IL9R: variants seen among roughly 807,000 people sequenced by gnomAD.
IL9R encodes interleukin 9 receptor.
A neutral mutation model predicts 56.3 loss-of-function variants in IL9R; 54 were observed. That is an observed-to-expected ratio of 0.96 (90% confidence interval 0.77 to 1.20). The LOEUF (loss-of-function observed/expected upper bound fraction) is 1.20, where lower values mean the gene tolerates loss of function less well. Among genes scored for constraint, IL9R ranks in the 50% most tolerant of loss-of-function variants. The probability of loss-of-function intolerance (pLI) is 0.00; values close to 1 mark genes in which losing one functional copy is unlikely to be tolerated. For missense variants in IL9R, 545 were observed against 629.8 expected (o/e 0.87, Z 1.44); for synonymous variants, 212 against 250.2 (o/e 0.85, Z 1.44).
chrX:156,005,375 T>A lies in IL9R; in HGVS notation c.677T>A (p.Val226Asp). ...TTTATCCATGAGGCCAGGCTGCGTG[T>A]CCAGATGGCCACACTGGAGGATGAT... ...PGFIHEARLR[V>D]QMATLEDDVV... is the part of the protein sequence containing the mutation. Residue 226 changes from valine to aspartate, a missense_variant, in exon 6 of 9, where the codon GTC becomes GAC. Transcript: ENST00000244174. 6.2e-7 allele frequency: 1 copy of A among 1,612,912 alleles called. No individual in the cohort carries two copies. The highest frequency in any genetic ancestry group is 1.3e-5 in the African/African-American group (1 of 74,968).
At chrX:156,001,615 T>TGGG (rs367822310) in intron 1 of IL9R, 6 of 654,864 alleles carry the variant, frequency 9.2e-6, no homozygotes, top group African/African-American at 1.3e-4. Context: ...TGCTGCCCAT[T>TGGG]GGTTTGTGCG....
chrX:156,004,004 T>C, intron 4 of IL9R, 149 bp downstream of exon 4: 1 of 880,798 alleles, frequency 1.1e-6, no homozygotes, highest in Non-Finnish European at 1.7e-6. Context: ...GGGGCAGGCT[T>C]GGCCCTTGGG....
chrX:156,009,375 CTGTGTGTGTTTGTGTG>C (rs2068325288), intron 8 of IL9R, among the ~76,000 whole-genome samples: 1 of 129,578 alleles, frequency 7.7e-6, no homozygotes, highest in Admixed American at 7.6e-5. Context: ...CTGTGTGTAT[CTGTGTGTGTTTGTGTG>C]TGTGTGTGTC....
At chrX:156,008,982 TG>T (rs2068209586) in intron 8 of IL9R, among the ~76,000 whole-genome samples, 1 of 151,770 alleles carries the variant, frequency 6.6e-6, no homozygotes, top group South Asian at 2.1e-4. Flanking sequence ...TGTCTGTGTG[TG>T]TTTAAGTCTG....
Position 156,003,766 on chromosome X carries a change from C to A in IL9R, c.344C>A (p.Ser115Tyr), listed in dbSNP as rs746511345. The A allele has an allele frequency of 6.2e-7, 1 of 1,614,014 alleles. No individual in the cohort carries two copies. Among genetic ancestry groups the A allele is most frequent in the African/African-American group, 1.3e-5 (1 of 75,062 alleles). The change falls in exon 4 of 9, where the codon TCT becomes TAT. Residue 115 changes from serine (S) to tyrosine (Y), a missense_variant. By Grantham distance (144) the Ser-to-Tyr change is moderately radical. Transcript: ENST00000244174. ...CCACCTGAGGCAGTGCTCGTGCCAT[C>A]TGACAATTTCACCATCACTTTCCAC... ...VLPPEAVLVP[S>Y]DNFTITFHHC...
chrX:155,998,440 T>C (rs2067285385), intron 1 of IL9R, among the ~76,000 whole-genome samples: 1 of 152,078 alleles, frequency 6.6e-6, no homozygotes, highest in South Asian at 2.1e-4. Context: ...CTGGAGGATG[T>C]GGGCCCTGCT....
chrX:156,009,401 CTCTGTGTGTGTG>C (rs1569479278), intron 8 of IL9R, among the ~76,000 whole-genome samples: 1 of 123,568 alleles, frequency 8.1e-6, no homozygotes, highest in African/African-American at 3.4e-5. Context: ...GTGTGTGTGT[CTCTGTGTGTGTG>C]TGTGTTTGTG....
At chrX:156,002,759 G>T in intron 1 of IL9R, 147 bp from the exon 2 acceptor site, 1 of 1,136,666 alleles carries the variant, frequency 8.8e-7, no homozygotes. Context: ...GGTCCAGGAC[G>T]CTGGACACTG....
At chrX:156,006,407 C>G (rs2067958711) in intron 7 of IL9R, among the ~76,000 whole-genome samples, 3 of 144,642 alleles carry the variant, frequency 2.1e-5, no homozygotes, top group Non-Finnish European at 4.6e-5. Flanking sequence ...AGAGGGTTCT[C>G]AAGTTGCCAG....
rs189335481 is a variant in IL9R, at chrX:156,000,823, G to A, written c.29-2083G>A. 5.8e-3 allele frequency among the ~76,000 whole-genome samples: 890 copies of A among 152,256 alleles called. 11 individuals are homozygous for A. The highest frequency in any genetic ancestry group is 0.02 in the African/African-American group (838 of 41,552). On this transcript the variant is annotated intron_variant, in intron 1 of 8. Coordinates refer to ENST00000244174, the MANE Select transcript of IL9R (RefSeq NM_002186.3). ...TGGGGCATGTGCTGAGTGGTGCCTCGCAGGCACTGCCCTCGGGAAGTTCAC... is the reference window on the plus strand; with the variant it reads ...TGGGGCATGTGCTGAGTGGTGCCTCACAGGCACTGCCCTCGGGAAGTTCAC...
chrX:156,003,420 C>T (rs369278523), intron 2 of IL9R, 29 bp from the exon 3 acceptor site: 14 of 1,511,096 alleles, frequency 9.3e-6, no homozygotes, highest in South Asian at 3.4e-5. Flanking sequence ...AAGTACTTAC[C>T]GTGGGCTCCT....
At chrX:156,004,325 C>T (rs1244455990) in intron 4 of IL9R, 95 bp from the exon 5 acceptor site, 20 of 1,326,904 alleles carry the variant, frequency 1.5e-5, no homozygotes, top group Admixed American at 7.2e-5. Context: ...TTGACCATTC[C>T]CCTTGGGAGT....
intron 4 of IL9R, 130 bp downstream of exon 4, chrX:156,003,985 C>T (rs1046012754): frequency 4.5e-5 from 45 of 996,062 alleles, no homozygotes; most frequent in Non-Finnish European, 5.2e-5. Context: ...CGAGTGAGAT[C>T]CAGGGCTGGG....
At chrX:156,005,187 T>C (rs779129486) in intron 5 of IL9R, 91 bp from the exon 6 acceptor site, 13 of 969,654 alleles carry the variant, frequency 1.3e-5, no homozygotes, top group Non-Finnish European at 1.8e-5. Context: ...CAAGAGTGTG[T>C]TATATGAGCA....
intron 1 of IL9R, 114 bp downstream of exon 1, chrX:155,997,901 A>G (rs1420609664): frequency 3.4e-5 from 34 of 995,700 alleles, no homozygotes; most frequent in South Asian, 2.6e-4. Context: ...GGCATTTGAG[A>G]GCGCCACCCT....
At chrX:155,999,939 A>G (rs1370523004) in intron 1 of IL9R, among the ~76,000 whole-genome samples, 12 of 152,028 alleles carry the variant, frequency 7.9e-5, no homozygotes, top group African/African-American at 2.9e-4. Context: ...CAGCCTGACA[A>G]ACATGGTGAA....
Position 156,002,891 on chromosome X carries a change from C to T in IL9R, c.29-15C>T. 1 of 1,613,686 alleles carries T rather than the reference C, an allele frequency of 6.2e-7. No homozygotes were observed. The highest frequency in any genetic ancestry group is 8.5e-7 in the Non-Finnish European group (1 of 1,179,862). ...GGGATGATTTGCACAGGGCCCTCAG[C>T]CCAGTCCCTTGCAGGCTGGACCTTG... On this transcript the variant is annotated splice_polypyrimidine_tract_variant and intron_variant, in intron 1 of 8. Transcript: ENST00000244174.
In IL9R at chrX:156,001,487, G is replaced by A. The variant is rs1159807941; in HGVS notation, c.29-1419G>A. On this transcript the variant is annotated intron_variant, in intron 1 of 8. Coordinates refer to ENST00000244174, the MANE Select transcript of IL9R (RefSeq NM_002186.3). ...ATGCTGTGGCTGGTGGTTCCAGGCTGCACGCTCCATTCTAGGAAAGGGTGA... is the reference window on the plus strand; with the variant it reads ...ATGCTGTGGCTGGTGGTTCCAGGCTACACGCTCCATTCTAGGAAAGGGTGA... 6 of 1,608,290 alleles carry A rather than the reference G, an allele frequency of 3.7e-6. No individual in the cohort carries two copies. The East Asian group carries it at 8.9e-5, about 24-fold the overall frequency.
chrX:156,007,664 C>T (rs2068073069), intron 8 of IL9R, 57 bp downstream of exon 8: 2 of 569,790 alleles, frequency 3.5e-6, no homozygotes, highest in Admixed American at 4.2e-5. Flanking sequence ...GAGCTCTGGC[C>T]TGCCCAAGAT....
Sources: allele counts gnomAD v4.1 joint callset (sites outside exome capture counted in the v4.1 genomes callset), GRCh38; gene constraint gnomAD v4.1.1; transcripts MANE v1.5; gene names NCBI Gene and HGNC (gene_info 2026-07-23, HGNC 2026-07-21).